The following MACROD2 variants were observed in gnomAD, a reference collection of about 807,000 sequenced individuals.
MACROD2 encodes ADP-ribose glycohydrolase MACROD2.
In MACROD2, 36 loss-of-function variants were observed where a neutral mutation model predicts 70.4. The ratio of observed to expected loss-of-function variants is 0.51; its 90% confidence interval spans 0.39 to 0.68. The LOEUF (loss-of-function observed/expected upper bound fraction) is 0.68, where lower values mean the gene tolerates loss of function less well. Ranked by LOEUF, MACROD2 falls within the 30% of genes least tolerant of loss-of-function variation. The probability of loss-of-function intolerance (pLI) is 0.00; values close to 1 mark genes in which losing one functional copy is unlikely to be tolerated. For missense variants in MACROD2, 496 were observed against 538.4 expected, an observed-to-expected ratio of 0.92 and a Z score of 0.78; for synonymous variants, 172 against 178.8, an observed-to-expected ratio of 0.96 and a Z score of 0.30.
At chr20:14,259,949 T>A (rs1432562340) in intron 3 of MACROD2, among the ~76,000 whole-genome samples, 1 of 152,218 alleles carries the variant, frequency 6.6e-6, no homozygotes, top group Non-Finnish European at 1.5e-5. Flanking sequence ...TGAAGTTCCT[T>A]AATTCATGAA....
intron 5 of MACROD2, among the ~76,000 whole-genome samples, chr20:15,100,839 A>G (rs950490233): frequency 9.2e-5 from 14 of 152,194 alleles, no homozygotes; most frequent in African/African-American, 3.1e-4. Context: ...AATATAAAAA[A>G]GAAAGCCATG....
intron 8 of MACROD2, among the ~76,000 whole-genome samples, chr20:15,519,799 G>A (rs1290950575): frequency 6.6e-6 from 1 of 152,182 alleles, no homozygotes; most frequent in Admixed American, 6.5e-5. Flanking sequence ...CCACTCTCTG[G>A]TTTGCACTAG....
At chr20:15,325,877 C>T (rs945744043) in intron 6 of MACROD2, among the ~76,000 whole-genome samples, 1 of 152,100 alleles carries the variant, frequency 6.6e-6, no homozygotes, top group African/African-American at 2.4e-5. Context: ...TTTTCCCAGG[C>T]ATTTAATATC....
chr20:14,889,223 T>C (rs888449393), intron 5 of MACROD2, among the ~76,000 whole-genome samples: 4 of 152,176 alleles, frequency 2.6e-5, no homozygotes, highest in African/African-American at 4.8e-5. Flanking sequence ...ATTCAGTGTA[T>C]ACTACTGGCC....
intron 5 of MACROD2, among the ~76,000 whole-genome samples, chr20:15,149,493 C>T (rs547514312): frequency 4.6e-5 from 7 of 151,564 alleles, no homozygotes; most frequent in Non-Finnish European, 7.4e-5. Context: ...TGTGGGAGGT[C>T]GGATTGAAGT....
rs1295215866 is a variant in MACROD2 at position 14,486,520 on chromosome 20, TTTTA to T, written c.272-6955_272-6952del. Among the ~76,000 whole-genome samples the T allele has an allele frequency of 8.8e-4, 122 of 139,230 alleles. 3 individuals are homozygous for T. The Middle Eastern group carries it at 0.015, about 17-fold the overall frequency. 91.3% of individuals were successfully genotyped at this position (139,230 alleles called of 152,430 possible). A position where few individuals can be genotyped will look rare whatever the true frequency, so the allele number is the denominator to read the frequency against. On this transcript the variant is annotated intron_variant, in intron 3 of 17. Transcript: ENST00000684519. ...CTGGCATAAAATAGCCAACTTTTTA[TTTTA>T]TTTTTTTTTTTTGAGACAGAGTTTC...
intron 8 of MACROD2, among the ~76,000 whole-genome samples, chr20:15,802,384 A>C (rs749244891): frequency 6.6e-6 from 1 of 152,148 alleles, no homozygotes; most frequent in Non-Finnish European, 1.5e-5. Flanking sequence ...TAACTTGTTA[A>C]GAGTTTTTAT....
chr20:14,327,205 T>C (rs374161251), intron 3 of MACROD2: 5 of 1,613,674 alleles, frequency 3.1e-6, no homozygotes, highest in Non-Finnish European at 3.4e-6. Flanking sequence ...CTTTGGGAGG[T>C]TGGTAGGAAA....
chr20:14,634,200 T>A (rs1012915606), intron 4 of MACROD2, among the ~76,000 whole-genome samples: 1 of 152,164 alleles, frequency 6.6e-6, no homozygotes, highest in Non-Finnish European at 1.5e-5. Flanking sequence ...AAGTAGGACA[T>A]TTCCCTCTCT....
intron 8 of MACROD2, among the ~76,000 whole-genome samples, chr20:15,633,980 C>G (rs1446566938): frequency 1.3e-5 from 2 of 152,148 alleles, no homozygotes; most frequent in African/African-American, 4.8e-5. Flanking sequence ...GTTTATGCCT[C>G]TTTAGTTTGT....
At chr20:15,946,919 A>T (rs2065831481) in intron 12 of MACROD2, among the ~76,000 whole-genome samples, 1 of 152,174 alleles carries the variant, frequency 6.6e-6, no homozygotes, top group South Asian at 2.1e-4. Context: ...AAGGTCAGCA[A>T]GAAAACACGT....
chr20:14,957,360 G>C (rs546872913), intron 5 of MACROD2, among the ~76,000 whole-genome samples: 1 of 152,090 alleles, frequency 6.6e-6, no homozygotes, highest in African/African-American at 2.4e-5. Flanking sequence ...AAGAAAACAC[G>C]TTTCACAGAG....
chr20:14,542,434 T>C lies in MACROD2; in HGVS notation c.301+48926T>C, dbSNP rs76395111. ...AAGGGAGCTTATACTAAGTTTTTATTTTCCTGAAAATAATCCATAACTTAA... is the reference window on the plus strand; with the variant it reads ...AAGGGAGCTTATACTAAGTTTTTATCTTCCTGAAAATAATCCATAACTTAA... On this transcript the variant is annotated intron_variant, in intron 4 of 17. Coordinates refer to ENST00000684519, the MANE Select transcript of MACROD2 (RefSeq NM_001351661.2). 7.7e-3 allele frequency among the ~76,000 whole-genome samples: 1,168 copies of C among 152,346 alleles called. 17 individuals carry two copies. Among genetic ancestry groups the C allele is most frequent in the African/African-American group, 0.027 (1,132 of 41,584 alleles).
intron 10 of MACROD2, among the ~76,000 whole-genome samples, chr20:15,892,179 G>A (rs1051935148): frequency 2.6e-5 from 4 of 152,096 alleles, no homozygotes; most frequent in Non-Finnish European, 5.9e-5. Flanking sequence ...GGATCTAGAG[G>A]GGCAAACAGA....
intron 8 of MACROD2, among the ~76,000 whole-genome samples, chr20:15,754,575 A>T (rs2051319260): frequency 6.6e-6 from 1 of 151,778 alleles, no homozygotes; most frequent in Non-Finnish European, 1.5e-5. Context: ...TCTGTCGCCC[A>T]GGTTTGAGCC....
chr20:15,201,789 TGA>T (rs2076658457), intron 5 of MACROD2, among the ~76,000 whole-genome samples: 1 of 152,222 alleles, frequency 6.6e-6, no homozygotes, highest in Non-Finnish European at 1.5e-5. Context: ...CAACCCTTTG[TGA>T]CATTCAAATG....
At chr20:14,193,621 G>A (rs529377408) in intron 3 of MACROD2, among the ~76,000 whole-genome samples, 2 of 152,326 alleles carry the variant, frequency 1.3e-5, no homozygotes, top group South Asian at 4.1e-4. Context: ...CCCGGGTCAA[G>A]TAAGAACTTG....
chr20:15,526,128 A>G (rs534663170), intron 8 of MACROD2, among the ~76,000 whole-genome samples: 11 of 152,324 alleles, frequency 7.2e-5, no homozygotes, highest in East Asian at 1.9e-4. Flanking sequence ...GGCAAGGACT[A>G]TGGTTTTGGG....
intron 5 of MACROD2, among the ~76,000 whole-genome samples, chr20:15,131,177 A>G (rs1601114446): frequency 6.6e-6 from 1 of 152,172 alleles, no homozygotes; most frequent in Non-Finnish European, 1.5e-5. Flanking sequence ...CAAGTTTATC[A>G]TGGTTGACAT....
Sources: allele counts gnomAD v4.1 joint callset (sites outside exome capture counted in the v4.1 genomes callset), GRCh38; gene constraint gnomAD v4.1.1; transcripts MANE v1.5; gene names NCBI Gene and HGNC (gene_info 2026-07-23, HGNC 2026-07-21).